Variants in PDE7B observed in about 807,000 individuals in gnomAD.
PDE7B encodes the protein phosphodiesterase 7B.
A neutral mutation model predicts 56.2 loss-of-function variants in PDE7B; 29 were observed. The ratio of observed to expected loss-of-function variants is 0.52; its 90% confidence interval spans 0.38 to 0.70. The LOEUF (loss-of-function observed/expected upper bound fraction) is 0.70. Ranked by LOEUF, PDE7B falls within the 30% of genes least tolerant of loss-of-function variation. PDE7B has a pLI of 0.00. For synonymous variants in PDE7B, 197 were observed against 196.9 expected (o/e 1.00, Z 0.00); for missense variants, 490 against 565.0 (o/e 0.87, Z 1.35).
At chr6:135,886,861 C>A (rs140207574) in intron 1 of PDE7B, among the ~76,000 whole-genome samples, 2 of 152,194 alleles carry the variant, frequency 1.3e-5, no homozygotes, top group African/African-American at 2.4e-5. Flanking sequence ...ATAATGACTT[C>A]TTTTCCTTTG....
intron 1 of PDE7B, 68 bp from the exon 2 acceptor site, chr6:135,947,392 TCACA>T: frequency 8.8e-7 from 1 of 1,139,012 alleles, no homozygotes; most frequent in Non-Finnish European, 1.3e-6. Context: ...TAATGTCAGG[TCACA>T]TGGATATATT....
chr6:136,070,503 A>C (rs967406991), intron 2 of PDE7B, among the ~76,000 whole-genome samples: 2 of 151,918 alleles, frequency 1.3e-5, no homozygotes, highest in African/African-American at 4.8e-5. Context: ...AAGTCTCATG[A>C]ATAACAATAT....
intron 1 of PDE7B, among the ~76,000 whole-genome samples, chr6:135,883,194 T>A (rs1033302471): frequency 1.3e-5 from 2 of 152,162 alleles, no homozygotes. Context: ...TACTAATGTG[T>A]ATTCTATATA....
At chr6:136,120,368 G>T (rs111912731) in intron 3 of PDE7B, among the ~76,000 whole-genome samples, 185 of 152,262 alleles carry the variant, frequency 1.2e-3, no homozygotes, top group Middle Eastern at 3.4e-3. Context: ...GCTAGGGAAG[G>T]TTGTTTTGTT....
chr6:136,135,379 A>G (rs1778194688), intron 3 of PDE7B, among the ~76,000 whole-genome samples: 1 of 151,986 alleles, frequency 6.6e-6, no homozygotes, highest in Non-Finnish European at 1.5e-5. Flanking sequence ...GTTACAACTC[A>G]TCTTCTTTTC....
intron 1 of PDE7B, among the ~76,000 whole-genome samples, chr6:135,897,426 A>G: frequency 6.6e-6 from 1 of 152,190 alleles, no homozygotes; most frequent in South Asian, 2.1e-4. Flanking sequence ...TGCCTACTGC[A>G]GACAGCAGAG....
chr6:135,962,416 T>C (rs1256906384), intron 2 of PDE7B, among the ~76,000 whole-genome samples: 1 of 152,170 alleles, frequency 6.6e-6, no homozygotes, highest in Non-Finnish European at 1.5e-5. Flanking sequence ...GCGAGAATTA[T>C]AAATTTCGTA....
chr6:136,123,015 C>T (rs529219606), intron 3 of PDE7B, among the ~76,000 whole-genome samples: 3 of 152,288 alleles, frequency 2.0e-5, no homozygotes, highest in Admixed American at 2.0e-4. Flanking sequence ...AGGCGCTCTT[C>T]TAATTGCTTA....
At chr6:136,102,481 G>A (rs1417691846) in intron 2 of PDE7B, among the ~76,000 whole-genome samples, 3 of 152,146 alleles carry the variant, frequency 2.0e-5, no homozygotes, top group Non-Finnish European at 4.4e-5. Context: ...TGAATGATGC[G>A]TAATCTTACA....
At chr6:136,035,896 A>G (rs899759071) in intron 2 of PDE7B, among the ~76,000 whole-genome samples, 2 of 152,226 alleles carry the variant, frequency 1.3e-5, no homozygotes, top group African/African-American at 4.8e-5. Context: ...ATATGATATC[A>G]CATATTTGTT....
intron 6 of PDE7B, 84 bp downstream of exon 6, chr6:136,151,339 C>A: frequency 2.8e-6 from 2 of 722,138 alleles, no homozygotes; most frequent in East Asian, 2.6e-5. Flanking sequence ...GTGGTAAGAT[C>A]CATAGGATGA....
At chr6:136,044,122 T>A (rs987156806) in intron 2 of PDE7B, 4 of 152,180 alleles carry the variant, frequency 2.6e-5, no homozygotes, top group Non-Finnish European at 5.9e-5. Context: ...GCTCGTATGC[T>A]AGCCCCTTCA....
intron 9 of PDE7B, among the ~76,000 whole-genome samples, chr6:136,177,667 C>A (rs2128450822): frequency 6.6e-6 from 1 of 152,266 alleles, no homozygotes; most frequent in South Asian, 2.1e-4. Flanking sequence ...TCATCTGCTA[C>A]TGCTGGGAGC....
intron 1 of PDE7B, among the ~76,000 whole-genome samples, chr6:135,890,545 A>T (rs549882536): frequency 6.6e-6 from 1 of 152,292 alleles, no homozygotes; most frequent in East Asian, 1.9e-4. Flanking sequence ...CCCAGCACGC[A>T]GTGGGTATGA....
At chr6:136,174,003 TC>T (rs1446919352) in intron 9 of PDE7B, 115 bp downstream of exon 9, 1 of 728,370 alleles carries the variant, frequency 1.4e-6, no homozygotes, top group African/African-American at 1.7e-5. Context: ...CGGCTGTACT[TC>T]CTGCCTGCAC....
At chr6:136,003,714 C>G (rs868355537) in intron 2 of PDE7B, among the ~76,000 whole-genome samples, 1 of 152,186 alleles carries the variant, frequency 6.6e-6, no homozygotes, top group Non-Finnish European at 1.5e-5. Flanking sequence ...TAATCAATAG[C>G]TTACCAACAA....
rs1468414349 is a variant in PDE7B, at chr6:135,926,077, C to CT, written c.22-21379dup. On this transcript the variant is annotated intron_variant, in intron 1 of 12. Coordinates refer to ENST00000308191, the MANE Select transcript of PDE7B (RefSeq NM_018945.4). ...ATAATGAGGCATGCTTCTGTTTTTT[C>CT]TTTTTTTTGGGGGGGGGGGGGGGAG... Among the ~76,000 whole-genome samples the CT allele has an allele frequency of 2.5e-3, 102 of 40,614 alleles. 7 individuals carry two copies. The highest frequency in any genetic ancestry group is 0.011 in the African/African-American group (74 of 6,694). The allele number at this position is 40,614 out of a possible 152,430, so 26.6% of individuals were successfully genotyped here. A position where few individuals can be genotyped will look rare whatever the true frequency, so the allele number is the denominator to read the frequency against.
chr6:136,187,784 C>T (rs1330429066), intron 12 of PDE7B, among the ~76,000 whole-genome samples: 1 of 152,114 alleles, frequency 6.6e-6, no homozygotes, highest in Non-Finnish European at 1.5e-5. Context: ...GGCACTTTAG[C>T]GGAGGAAATA....
In PDE7B at chr6:136,181,241, T is replaced by G; in HGVS notation, c.963T>G (p.Cys321Trp). The change falls in exon 11 of 13, where the codon TGT becomes TGG. Residue 321 changes from cysteine (C) to tryptophan (W), a missense_variant. Physicochemically the swap from Cys to Trp is radical, Grantham distance 215 (BLOSUM62 -2). Coordinates refer to ENST00000308191, the MANE Select transcript of PDE7B (RefSeq NM_018945.4). ...RHFMLQIALK[C>W]ADICNPCRIW... Reference sequence around the variant, plus strand: ...TCATTTCTCAGATCGCCTTGAAGTGTGCTGACATTTGCAATCCTTGTAGAA... The same window carrying G: ...TCATTTCTCAGATCGCCTTGAAGTGGGCTGACATTTGCAATCCTTGTAGAA... 4 of 1,613,382 alleles carry G rather than the reference T, an allele frequency of 2.5e-6. No homozygotes were observed. The highest frequency in any genetic ancestry group is 3.4e-6 in the Non-Finnish European group (4 of 1,179,320).
Sources: gnomAD v4.1 joint callset for allele counts (sites outside exome capture counted in the v4.1 genomes callset) on GRCh38, gnomAD v4.1.1 for gene constraint, MANE v1.5 for transcripts, NCBI Gene and HGNC (gene_info 2026-07-23, HGNC 2026-07-21) for gene names.